Variants in GPC6 observed in about 807,000 individuals in gnomAD.
The protein encoded by GPC6 is glypican 6.
Under a neutral mutation model 55.2 loss-of-function variants are expected in GPC6, and 14 were observed. The observed-to-expected ratio is 0.25, with a 90% confidence interval of 0.17 to 0.40. The LOEUF is 0.40. Ranked by LOEUF, GPC6 falls within the 10% of genes least tolerant of loss-of-function variation. The pLI is 1.00. For missense variants in GPC6, 641 were observed against 708.5 expected (o/e 0.90, Z 1.08); for synonymous variants, 278 against 259.6 (o/e 1.07, Z -0.68).
intron 5 of GPC6, among the ~76,000 whole-genome samples, chr13:94,290,017 A>G (rs1874868771): frequency 6.6e-6 from 1 of 152,200 alleles, no homozygotes; most frequent in Admixed American, 6.5e-5. Context: ...CACTATGTTG[A>G]TGTTTGTATT....
At chr13:94,219,713 A>T (rs1890326241) in intron 4 of GPC6, among the ~76,000 whole-genome samples, 1 of 152,142 alleles carries the variant, frequency 6.6e-6, no homozygotes, top group South Asian at 2.1e-4. Context: ...AGCAGACACA[A>T]ATCTGCCTCC....
At chr13:94,112,801 T>C (rs1401794747) in intron 4 of GPC6, among the ~76,000 whole-genome samples, 1 of 152,170 alleles carries the variant, frequency 6.6e-6, no homozygotes, top group Non-Finnish European at 1.5e-5. Flanking sequence ...TTTTTGTCTG[T>C]AGATACAGAT....
intron 1 of GPC6, among the ~76,000 whole-genome samples, chr13:93,501,470 C>G (rs190210507): frequency 6.6e-6 from 1 of 152,232 alleles, no homozygotes; most frequent in Non-Finnish European, 1.5e-5. Context: ...GAAATCTTCC[C>G]TAAATTTCAG....
chr13:94,272,592 C>T (rs374397385), intron 4 of GPC6, among the ~76,000 whole-genome samples: 124 of 151,290 alleles, frequency 8.2e-4, no homozygotes, highest in Admixed American at 1.8e-3. Flanking sequence ...CCTCAGCCTC[C>T]CAAGTAGCTG....
chr13:93,459,003 A>G (rs2139312166), intron 1 of GPC6, among the ~76,000 whole-genome samples: 1 of 152,294 alleles, frequency 6.6e-6, no homozygotes, highest in South Asian at 2.1e-4. Flanking sequence ...ACCGTAATGG[A>G]GACGTTCTTC....
At chr13:94,136,294 T>C (rs1452441232) in intron 4 of GPC6, among the ~76,000 whole-genome samples, 3 of 151,940 alleles carry the variant, frequency 2.0e-5, no homozygotes. Context: ...ATAGAGTCTT[T>C]GGGGGAGCTG....
At chr13:94,076,960 G>GTT (rs56870429) in intron 4 of GPC6, among the ~76,000 whole-genome samples, 38 of 126,094 alleles carry the variant, frequency 3.0e-4, no homozygotes, top group East Asian at 5.2e-4. Context: ...TGGTGCTTCT[G>GTT]TTTTTTTTTT....
At chr13:94,014,437 A>G (rs1882375979) in intron 3 of GPC6, among the ~76,000 whole-genome samples, 2 of 152,152 alleles carry the variant, frequency 1.3e-5, no homozygotes, top group Non-Finnish European at 2.9e-5. Flanking sequence ...TTAGCTCCGA[A>G]ATCCCTTTAC....
At chr13:93,695,672 T>C (rs1882426238) in intron 2 of GPC6, among the ~76,000 whole-genome samples, 3 of 152,046 alleles carry the variant, frequency 2.0e-5, no homozygotes, top group African/African-American at 7.2e-5. Flanking sequence ...AAATGCAAAA[T>C]AGTGTAAGAT....
At chr13:93,225,482 T>C (rs574809458), upstream of GPC6, among the ~76,000 whole-genome samples, 10 of 23,314 alleles carry the variant, frequency 4.3e-4, no homozygotes, top group Admixed American at 1.6e-3. Context: ...GATTTAGCTA[T>C]GGAGTTTTTT....
chr13:93,289,485 G>T (rs914282203), intron 1 of GPC6, among the ~76,000 whole-genome samples: 1 of 152,052 alleles, frequency 6.6e-6, no homozygotes, highest in Non-Finnish European at 1.5e-5. Context: ...GAAAAGTGTC[G>T]ATCTCTTTTT....
chr13:94,182,733 T>G (rs899399597), intron 4 of GPC6, among the ~76,000 whole-genome samples: 1 of 152,202 alleles, frequency 6.6e-6, no homozygotes, highest in Non-Finnish European at 1.5e-5. Context: ...CTTTTTTAAT[T>G]GTGGCAAATA....
chr13:93,382,381 C>G (rs1013128395), intron 1 of GPC6, among the ~76,000 whole-genome samples: 4 of 152,138 alleles, frequency 2.6e-5, no homozygotes, highest in African/African-American at 9.7e-5. Flanking sequence ...TCACTTTTAA[C>G]TTAAAATTGA....
chr13:94,076,408 A>G (rs1884916430), intron 4 of GPC6, among the ~76,000 whole-genome samples: 2 of 151,868 alleles, frequency 1.3e-5, no homozygotes, highest in Admixed American at 1.3e-4. Flanking sequence ...AAAGGTTTGC[A>G]ACTGTTTTCT....
intron 1 of GPC6, among the ~76,000 whole-genome samples, chr13:93,397,579 T>C (rs1280114423): frequency 6.6e-6 from 1 of 152,178 alleles, no homozygotes; most frequent in Admixed American, 6.5e-5. Flanking sequence ...TTGTAACCTC[T>C]TTTGCTAGTG....
chr13:94,327,100 A>T (rs891179279), intron 6 of GPC6, among the ~76,000 whole-genome samples: 5 of 152,234 alleles, frequency 3.3e-5, no homozygotes, highest in African/African-American at 1.2e-4. Context: ...CCATATTCCA[A>T]GGCATAGAAA....
At chr13:93,311,978 A>G (rs950270716) in intron 1 of GPC6, among the ~76,000 whole-genome samples, 1 of 152,184 alleles carries the variant, frequency 6.6e-6, no homozygotes, top group African/African-American at 2.4e-5. Context: ...GAAAATGCAC[A>G]CCTTAACAGA....
At chr13:93,488,432 G>A (rs886567535) in intron 1 of GPC6, among the ~76,000 whole-genome samples, 20 of 152,116 alleles carry the variant, frequency 1.3e-4, no homozygotes, top group African/African-American at 3.9e-4. Flanking sequence ...ATAAACATAC[G>A]TGTGCATGTG....
At chr13:93,589,561 A>T (rs945533672) in intron 2 of GPC6, among the ~76,000 whole-genome samples, 1 of 152,130 alleles carries the variant, frequency 6.6e-6, no homozygotes, top group Non-Finnish European at 1.5e-5. Context: ...CTGGGGATCA[A>T]TTCCTCTTAT....
Sources: gnomAD v4.1 joint callset for allele counts (sites outside exome capture counted in the v4.1 genomes callset) on GRCh38, gnomAD v4.1.1 for gene constraint, MANE v1.5 for transcripts, NCBI Gene and HGNC (gene_info 2026-07-23, HGNC 2026-07-21) for gene names.